FRMD4B: variants seen among roughly 807,000 people sequenced by gnomAD.
The protein encoded by FRMD4B is FERM domain-containing protein 4B.
In FRMD4B, 74 loss-of-function variants were observed where a neutral mutation model predicts 141.5. The ratio of observed to expected loss-of-function variants is 0.52; its 90% CI spans 0.43 to 0.63. The LOEUF is 0.63. Among genes scored for constraint, FRMD4B ranks in the 30% least tolerant of loss-of-function variants. FRMD4B has a pLI of 0.00. For missense variants in FRMD4B, 1,366 were observed against 1,253.4 expected (o/e 1.09, Z -1.36); for synonymous variants, 506 against 467.9 (o/e 1.08, Z -1.05).
At chr3:69,519,884 C>T (rs987340845) in intron 1 of FRMD4B, among the ~76,000 whole-genome samples, 33 of 150,946 alleles carry the variant, frequency 2.2e-4, no homozygotes, top group African/African-American at 7.1e-4. Context: ...TGAGAACATA[C>T]GATGTTTGGT....
At chr3:69,262,459 CTTTTTTTTTTTTTTT>C (rs71618271) in intron 5 of FRMD4B, among the ~76,000 whole-genome samples, 2 of 86,822 alleles carry the variant, frequency 2.3e-5, no homozygotes, top group African/African-American at 9.3e-5. Context: ...ACACAAATGA[CTTTTTTTTTTTTTTT>C]TTTTTTTTTT....
intron 1 of FRMD4B, among the ~76,000 whole-genome samples, chr3:69,437,132 G>A (rs974732177): frequency 2.0e-4 from 31 of 152,088 alleles, no homozygotes; most frequent in Non-Finnish European, 2.9e-5. Context: ...GAGTGCAGTG[G>A]CACAATCATG....
At chr3:69,385,284 G>C (rs1704221396) in intron 1 of FRMD4B, among the ~76,000 whole-genome samples, 1 of 152,068 alleles carries the variant, frequency 6.6e-6, no homozygotes, top group Non-Finnish European at 1.5e-5. Flanking sequence ...CCTGCAAAGT[G>C]TTCACAATTT....
At chr3:69,212,790 T>C (rs2093099558) in intron 11 of FRMD4B, among the ~76,000 whole-genome samples, 1 of 152,216 alleles carries the variant, frequency 6.6e-6, no homozygotes, top group Non-Finnish European at 1.5e-5. Flanking sequence ...GTTGTCCTAA[T>C]ATTTTACATG....
At chr3:69,318,570 C>T (rs1318926988) in intron 1 of FRMD4B, among the ~76,000 whole-genome samples, 2 of 152,118 alleles carry the variant, frequency 1.3e-5, no homozygotes, top group East Asian at 1.9e-4. Context: ...GTTACATGTC[C>T]GCGCAGCACA....
chr3:69,513,396 T>C (rs1270567906), intron 1 of FRMD4B, among the ~76,000 whole-genome samples: 3 of 152,074 alleles, frequency 2.0e-5, no homozygotes, highest in Admixed American at 1.3e-4. Context: ...AATAAGCAGA[T>C]TCAATCAGTA....
rs774316609 is a variant in FRMD4B, at chr3:69,427,643, G to GTTTTTTTTTTTTTTTT, written c.-1+4975_-1+4990dup. 3.2e-3 allele frequency among the ~76,000 whole-genome samples: 116 copies of GTTTTTTTTTTTTTTTT among 36,248 alleles called. 23 individuals are homozygous for GTTTTTTTTTTTTTTTT. Among genetic ancestry groups the GTTTTTTTTTTTTTTTT allele is most frequent in the East Asian group, 5.0e-3 (4 of 796 alleles). The allele number at this position is 36,248 out of a possible 152,430, so 23.8% of individuals were successfully genotyped here. A position where few individuals can be genotyped will look rare whatever the true frequency, so the allele number is the denominator to read the frequency against. On this transcript the variant is annotated intron_variant, in intron 2 of 5. Coordinates refer to the FRMD4B transcript ENST00000459638. ...GTGTTTAGTAAGAAGCTAGGTAAAT[G>GTTTTTTTTTTTTTTTT]TTTTTTTTTTTTTTTTTTTTTTTTT... is the stretch of plus-strand genomic sequence containing the variant.
intron 1 of FRMD4B, among the ~76,000 whole-genome samples, chr3:69,321,853 T>C (rs547821331): frequency 1.1e-4 from 17 of 152,236 alleles, no homozygotes; most frequent in African/African-American, 4.1e-4. Context: ...TAGCTGGGAC[T>C]ATAGGCAAGT....
chr3:69,328,660 A>C (rs1702262705), intron 1 of FRMD4B, among the ~76,000 whole-genome samples: 1 of 152,196 alleles, frequency 6.6e-6, no homozygotes, highest in Admixed American at 6.5e-5. Flanking sequence ...CAAGATGGTG[A>C]TGAAAAAAGA....
chr3:69,429,555 A>G (rs550049537), intron 2 of FRMD4B, among the ~76,000 whole-genome samples: 7 of 152,306 alleles, frequency 4.6e-5, no homozygotes, highest in Non-Finnish European at 8.8e-5. Flanking sequence ...ATCATTACTC[A>G]TTGTATACAT....
chr3:69,261,427 A>G (rs1483234415), intron 5 of FRMD4B, among the ~76,000 whole-genome samples: 1 of 152,170 alleles, frequency 6.6e-6, no homozygotes, highest in East Asian at 1.9e-4. Context: ...AGTGTATTTA[A>G]CTTATAACCA....
Position 69,386,021 on chromosome 3 carries a change from C to A in FRMD4B, c.-32G>T, listed in dbSNP as rs946230838. The A allele has an allele frequency of 5.2e-6, 8 of 1,535,112 alleles. No homozygotes were observed. The South Asian group carries it at 6.2e-5, about 12-fold the overall frequency. On this transcript the variant is annotated 5_prime_UTR_variant, in exon 1 of 23. Transcript: ENST00000398540. ...TCCTTCGCTCTGAACCCGGGCGTCCCGGCTCTCGTACGTGCAGCCCCGACC... is the reference window on the plus strand; with the variant it reads ...TCCTTCGCTCTGAACCCGGGCGTCCAGGCTCTCGTACGTGCAGCCCCGACC...
chr3:69,479,859 T>A (rs1706087387), intron 1 of FRMD4B, among the ~76,000 whole-genome samples: 1 of 152,086 alleles, frequency 6.6e-6, no homozygotes, highest in African/African-American at 2.4e-5. Flanking sequence ...TGACGTAGAT[T>A]TGGTCTTTTC....
At chr3:69,448,111 CCT>C (rs1309338153) in intron 1 of FRMD4B, among the ~76,000 whole-genome samples, 1 of 151,600 alleles carries the variant, frequency 6.6e-6, no homozygotes, top group Non-Finnish European at 1.5e-5. Flanking sequence ...ATCACTGCAA[CCT>C]CTGTTTCCTG....
rs1283083794 is a variant in FRMD4B at position 69,196,818 on chromosome 3, G to C, written c.1092+82C>G. On this transcript the variant is annotated intron_variant, in intron 13 of 22. Coordinates refer to ENST00000398540, the MANE Select transcript of FRMD4B (RefSeq NM_015123.3). ...TCAGAGAGCAAAAATATATGTGCTTGCATCTTTTGTGAGAAGGCTTATCTT... is the reference window on the plus strand; with the variant it reads ...TCAGAGAGCAAAAATATATGTGCTTCCATCTTTTGTGAGAAGGCTTATCTT... The C allele has an allele frequency of 2.9e-6, 3 of 1,038,984 alleles. No homozygotes were observed. The East Asian group carries it at 7.5e-5, about 26-fold the overall frequency. 64.4% of individuals were successfully genotyped at this position (1,038,984 alleles called of 1,614,324 possible).
chr3:69,304,494 A>C (rs986631152), intron 3 of FRMD4B, among the ~76,000 whole-genome samples: 38 of 149,462 alleles, frequency 2.5e-4, no homozygotes, highest in African/African-American at 8.2e-4. Context: ...AAAAAAAAAA[A>C]AAAAAAAAAA....
At chr3:69,406,583 G>T (rs1269726100) in intron 2 of FRMD4B, among the ~76,000 whole-genome samples, 1 of 152,106 alleles carries the variant, frequency 6.6e-6, no homozygotes, top group Non-Finnish European at 1.5e-5. Flanking sequence ...CTGCCTCCTC[G>T]TTTGCAACTT....
chr3:69,422,352 A>G (rs967806508), intron 2 of FRMD4B, among the ~76,000 whole-genome samples: 1 of 148,254 alleles, frequency 6.7e-6, no homozygotes, highest in Non-Finnish European at 1.5e-5. Context: ...ATGCCACTGC[A>G]CTCCAGCCTG....
At chr3:69,246,691 G>GGGAT (rs910165450) in intron 7 of FRMD4B, among the ~76,000 whole-genome samples, 43 of 152,156 alleles carry the variant, frequency 2.8e-4, no homozygotes, top group Admixed American at 9.2e-4. Flanking sequence ...GCCACTCAGA[G>GGGAT]GGATGTTGCC....
Sources: gnomAD v4.1 joint callset for allele counts (sites outside exome capture counted in the v4.1 genomes callset) on GRCh38, gnomAD v4.1.1 for gene constraint, MANE v1.5 for transcripts, NCBI Gene and HGNC (gene_info 2026-07-23, HGNC 2026-07-21) for gene names.